The following RBFOX1 variants were observed in gnomAD, a reference collection of about 807,000 sequenced individuals.
The protein encoded by RBFOX1 is RNA binding fox-1 homolog 1.
A neutral mutation model predicts 57.7 loss-of-function variants in RBFOX1; 8 were observed. The ratio of observed to expected loss-of-function variants is 0.14; its 90% CI spans 0.08 to 0.25. RBFOX1 has a LOEUF of 0.25. Ranked by LOEUF, RBFOX1 falls within the 10% of genes least tolerant of loss-of-function variation. The probability of loss-of-function intolerance (pLI) is 1.00; values close to 1 mark genes in which losing one functional copy is unlikely to be tolerated. For synonymous variants in RBFOX1, 326 were observed against 222.4 expected (o/e 1.47, Z -4.15); for missense variants, 611 against 548.5 (o/e 1.11, Z -1.14).
intron 2 of RBFOX1, among the ~76,000 whole-genome samples, chr16:6,607,054 G>C (rs930443182): frequency 1.1e-4 from 17 of 152,094 alleles, no homozygotes; most frequent in African/African-American, 3.9e-4. Flanking sequence ...GCCAAAAATG[G>C]CTATACATTT....
At chr16:7,268,291 C>T (rs1039887190) in intron 4 of RBFOX1, among the ~76,000 whole-genome samples, 18 of 152,134 alleles carry the variant, frequency 1.2e-4, no homozygotes, top group African/African-American at 3.4e-4. Context: ...ATTTTGGGTG[C>T]TATTCAGGGA....
intron 1 of RBFOX1, among the ~76,000 whole-genome samples, chr16:6,296,622 G>T (rs545042690): frequency 6.6e-6 from 1 of 152,084 alleles, no homozygotes; most frequent in Non-Finnish European, 1.5e-5. Flanking sequence ...CGGTTTCACC[G>T]TGTTAGCTGG....
intron 4 of RBFOX1, among the ~76,000 whole-genome samples, chr16:5,998,443 C>T (rs577224950): frequency 2.0e-5 from 3 of 152,328 alleles, no homozygotes; most frequent in Admixed American, 6.5e-5. Flanking sequence ...GGCGGGCAAG[C>T]GAACTTCTAT....
At chr16:5,959,405 A>G (rs1025335819) in intron 4 of RBFOX1, among the ~76,000 whole-genome samples, 18 of 152,100 alleles carry the variant, frequency 1.2e-4, no homozygotes, top group African/African-American at 3.6e-4. Flanking sequence ...AATTGGGTGA[A>G]TGCAGATTCT....
At chr16:5,604,877 A>G (rs1052574327), downstream of RBFOX1, among the ~76,000 whole-genome samples, 1 of 152,084 alleles carries the variant, frequency 6.6e-6, no homozygotes. Flanking sequence ...CTTCCTGCCC[A>G]TGTCACCTCT....
At chr16:6,928,809 GA>G (rs2076053312) in intron 3 of RBFOX1, among the ~76,000 whole-genome samples, 1 of 152,068 alleles carries the variant, frequency 6.6e-6, no homozygotes, top group Non-Finnish European at 1.5e-5. Flanking sequence ...TATGCACACA[GA>G]AAAAGAACAG....
chr16:5,775,938 C>A lies in RBFOX1; in HGVS notation c.319-91365C>A, dbSNP rs1164496391. Among the ~76,000 whole-genome samples, 3 of 152,170 alleles carry A rather than the reference C, an allele frequency of 2.0e-5. 1 individual carries two copies. The South Asian group carries it at 6.2e-4, about 32-fold the overall frequency. The stretch of plus-strand genomic sequence containing the variant: ...CTCTGGACCTTGAGGTGCCCCTGTT[C>A]TTGTCTGGGTTACACATTTCAGCTC... On this transcript the variant is annotated intron_variant, in intron 3 of 19. Transcript: ENST00000641259.
intron 4 of RBFOX1, among the ~76,000 whole-genome samples, chr16:5,890,049 G>T (rs1317747168): frequency 6.6e-6 from 1 of 152,182 alleles, no homozygotes; most frequent in Non-Finnish European, 1.5e-5. Context: ...TTGACTGGCA[G>T]TTCCGTGTGT....
At chr16:6,267,649 T>G (rs1287061213) in intron 1 of RBFOX1, among the ~76,000 whole-genome samples, 1 of 150,738 alleles carries the variant, frequency 6.6e-6, no homozygotes, top group Non-Finnish European at 1.5e-5. Flanking sequence ...CAAGCTTCAG[T>G]GTTGCAGATA....
chr16:7,543,194 C>T (rs1377804695), intron 5 of RBFOX1, among the ~76,000 whole-genome samples: 2 of 152,156 alleles, frequency 1.3e-5, no homozygotes, highest in African/African-American at 4.8e-5. Flanking sequence ...TGAATCAAAG[C>T]CTTAGGGAAT....
chr16:5,778,747 G>C (rs9926259), intron 3 of RBFOX1, among the ~76,000 whole-genome samples: 52,956 of 151,812 alleles, frequency 0.35, 10,046 homozygotes, highest in East Asian at 0.55. Flanking sequence ...GACCAGAGAA[G>C]AGTTTTCCCC....
intron 4 of RBFOX1, chr16:7,328,760 G>A (rs1255351856): frequency 6.6e-6 from 1 of 152,020 alleles, no homozygotes; most frequent in Non-Finnish European, 1.5e-5. Context: ...AGCATTAGGA[G>A]AGAGAAGAAG....
intron 2 of RBFOX1, among the ~76,000 whole-genome samples, chr16:5,528,557 T>C (rs887422661): frequency 2.3e-5 from 3 of 128,360 alleles, no homozygotes; most frequent in African/African-American, 8.9e-5. Flanking sequence ...TTTTTTTTTT[T>C]TTTTTTTTCT....
At chr16:7,709,578 G>C (rs1417813224) in intron 15 of RBFOX1, 2 of 1,530,040 alleles carry the variant, frequency 1.3e-6, no homozygotes, top group Admixed American at 3.9e-5. Context: ...CTGAGAATCT[G>C]ACTGCCTCTC....
At chr16:6,898,414 C>A (rs138136230) in intron 3 of RBFOX1, among the ~76,000 whole-genome samples, 1 of 152,134 alleles carries the variant, frequency 6.6e-6, no homozygotes, top group East Asian at 1.9e-4. Flanking sequence ...GACATTTCAG[C>A]TTGTTATGTG....
At chr16:6,279,290 C>G (rs144122358) in intron 1 of RBFOX1, among the ~76,000 whole-genome samples, 43 of 152,176 alleles carry the variant, frequency 2.8e-4, no homozygotes, top group African/African-American at 8.7e-4. Context: ...CTGTTTTATC[C>G]TCATTAGAGC....
intron 3 of RBFOX1, among the ~76,000 whole-genome samples, chr16:6,857,574 C>G (rs1043394804): frequency 7.2e-5 from 11 of 152,186 alleles, no homozygotes; most frequent in Non-Finnish European, 1.0e-4. Flanking sequence ...TCAAGCCTCC[C>G]AAATTTAATC....
chr16:6,998,450 T>C (rs917417208), intron 3 of RBFOX1, among the ~76,000 whole-genome samples: 4 of 152,118 alleles, frequency 2.6e-5, no homozygotes, highest in African/African-American at 9.7e-5. Context: ...ATGGGGGCAG[T>C]TGTGTTAGAC....
chr16:5,556,715 G>T (rs1258630197), intron 2 of RBFOX1, among the ~76,000 whole-genome samples: 7 of 152,200 alleles, frequency 4.6e-5, no homozygotes, highest in African/African-American at 1.7e-4. Flanking sequence ...TCTGAAGAAT[G>T]TTCCTTGGGA....
Sources: gnomAD v4.1 joint callset for allele counts (sites outside exome capture counted in the v4.1 genomes callset) on GRCh38, gnomAD v4.1.1 for gene constraint, MANE v1.5 for transcripts, NCBI Gene and HGNC (gene_info 2026-07-23, HGNC 2026-07-21) for gene names.